Variants in SPOCK3 observed in about 807,000 individuals in gnomAD.
SPOCK3 encodes the protein SPARC (osteonectin), cwcv and kazal like domains proteoglycan 3, also known as testican-3.
In SPOCK3, 30 loss-of-function variants were observed where a neutral mutation model predicts 56.6. The ratio of observed to expected loss-of-function variants is 0.53; its 90% confidence interval spans 0.40 to 0.72. The LOEUF (loss-of-function observed/expected upper bound fraction) is 0.72, where lower values mean the gene tolerates loss of function less well. Ranked by LOEUF, SPOCK3 falls within the 30% of genes least tolerant of loss-of-function variation. SPOCK3 has a pLI of 0.00. For synonymous variants in SPOCK3, 196 were observed against 183.3 expected (o/e 1.07, Z -0.56); for missense variants, 527 against 530.0 (o/e 0.99, Z 0.06).
chr4:166,885,488 T>C (rs566701022), intron 6 of SPOCK3, among the ~76,000 whole-genome samples: 1 of 152,172 alleles, frequency 6.6e-6, no homozygotes, highest in East Asian at 1.9e-4. Flanking sequence ...CAATGACCGA[T>C]TTGCACTGTA....
chr4:166,863,527 G>A (rs942750790), intron 6 of SPOCK3, among the ~76,000 whole-genome samples: 1 of 151,980 alleles, frequency 6.6e-6, no homozygotes, highest in African/African-American at 2.4e-5. Context: ...TCAGTGGGCT[G>A]TATTCAGGAG....
intron 3 of SPOCK3, among the ~76,000 whole-genome samples, chr4:167,013,423 A>G (rs1186688093): frequency 6.6e-6 from 1 of 151,596 alleles, no homozygotes; most frequent in Non-Finnish European, 1.5e-5. Flanking sequence ...TCTTAATAAA[A>G]TAAATGCTAA....
intron 2 of SPOCK3, among the ~76,000 whole-genome samples, chr4:167,136,345 G>A (rs1030164895): frequency 2.6e-5 from 4 of 152,110 alleles, no homozygotes; most frequent in African/African-American, 9.7e-5. Context: ...GTGAGATTAT[G>A]AATGCTTTGA....
At chr4:166,891,572 TC>T (rs1734790505) in intron 5 of SPOCK3, among the ~76,000 whole-genome samples, 3 of 151,946 alleles carry the variant, frequency 2.0e-5, no homozygotes, top group African/African-American at 7.2e-5. Context: ...ATTCAATGCT[TC>T]AAAAATTGAA....
At chr4:166,992,546 GA>G (rs745721167) in intron 4 of SPOCK3, among the ~76,000 whole-genome samples, 2 of 152,008 alleles carry the variant, frequency 1.3e-5, no homozygotes, top group African/African-American at 4.8e-5. Flanking sequence ...TCTTTTATAT[GA>G]AAGGCACCTA....
intron 7 of SPOCK3, among the ~76,000 whole-genome samples, chr4:166,776,827 T>C (rs1739601352): frequency 6.6e-6 from 1 of 152,112 alleles, no homozygotes; most frequent in African/African-American, 2.4e-5. Flanking sequence ...CCATGACTTA[T>C]GGAATACATT....
At chr4:166,795,046 T>C (rs1330877098) in intron 6 of SPOCK3, among the ~76,000 whole-genome samples, 1 of 152,202 alleles carries the variant, frequency 6.6e-6, no homozygotes, top group East Asian at 1.9e-4. Flanking sequence ...GCAAGTTTGT[T>C]AACAGCATAG....
chr4:166,938,955 CCA>C (rs59234659), intron 4 of SPOCK3, among the ~76,000 whole-genome samples: 9,427 of 148,302 alleles, frequency 0.064, 378 homozygotes, highest in Middle Eastern at 0.13. Flanking sequence ...CATACACACA[CCA>C]CACACACACA....
intron 3 of SPOCK3, among the ~76,000 whole-genome samples, chr4:167,028,175 C>A (rs562308231): frequency 6.6e-6 from 1 of 151,730 alleles, no homozygotes; most frequent in East Asian, 1.9e-4. Flanking sequence ...TCACTTGAAG[C>A]CAGAGGTTCA....
chr4:167,193,804 CT>C (rs1253739317), intron 2 of SPOCK3, among the ~76,000 whole-genome samples: 4 of 145,468 alleles, frequency 2.7e-5, no homozygotes, highest in Non-Finnish European at 6.0e-5. Context: ...AATTTTTTCT[CT>C]GTCTGACTTT....
At chr4:166,751,618 A>G (rs1025755442) in intron 8 of SPOCK3, among the ~76,000 whole-genome samples, 2 of 152,172 alleles carry the variant, frequency 1.3e-5, no homozygotes, top group African/African-American at 2.4e-5. Context: ...TTATACTTTC[A>G]CAGGGCTATT....
intron 2 of SPOCK3, among the ~76,000 whole-genome samples, chr4:167,217,584 A>G (rs1221106510): frequency 1.3e-5 from 2 of 152,070 alleles, no homozygotes; most frequent in Non-Finnish European, 2.9e-5. Flanking sequence ...CCAATTCCCC[A>G]TGGATACTGA....
chr4:167,099,423 C>A lies in SPOCK3; in HGVS notation c.190-36886G>T, dbSNP rs1025609412. On this transcript the variant is annotated intron_variant, in intron 2 of 10. Coordinates refer to ENST00000357545, the MANE Select transcript of SPOCK3 (RefSeq NM_001040159.2). ...GATCATTTTGATATATCAAAATAATCTTTTCTTGTTGAAAATTAGATGCAC... is the reference window on the plus strand; with the variant it reads ...GATCATTTTGATATATCAAAATAATATTTTCTTGTTGAAAATTAGATGCAC... Among the ~76,000 whole-genome samples, 5 of 151,852 alleles carry A rather than the reference C, an allele frequency of 3.3e-5. No homozygotes were observed. The East Asian group carries it at 7.7e-4, about 24-fold the overall frequency.
chr4:166,944,847 G>A (rs1741526040), intron 4 of SPOCK3, among the ~76,000 whole-genome samples: 1 of 151,964 alleles, frequency 6.6e-6, no homozygotes, highest in African/African-American at 2.4e-5. Flanking sequence ...AGTATTTGTG[G>A]TGGAAGTACT....
At position 166,734,468 on chromosome 4, in the gene SPOCK3, G is replaced by A. The variant is rs1734021170; in HGVS notation, c.*453C>T. 6.5e-6 allele frequency: 1 copy of A among 152,948 alleles called. No individual in the cohort carries two copies. Among genetic ancestry groups the A allele is most frequent in the South Asian group, 2.1e-4 (1 of 4,864 alleles). 9.5% of individuals were successfully genotyped at this position (152,948 alleles called of 1,614,324 possible). A position where few individuals can be genotyped will look rare whatever the true frequency, so the allele number is the denominator to read the frequency against. On this transcript the variant is annotated 3_prime_UTR_variant, in exon 11 of 11. Transcript: ENST00000357545. ...CTGACTCAACTAGGTCTAGCAAGAT[G>A]CTACTTTGGAAATGCAATTAAAGCA...
intron 2 of SPOCK3, among the ~76,000 whole-genome samples, chr4:167,196,608 G>A (rs1732978306): frequency 6.6e-6 from 1 of 152,076 alleles, no homozygotes; most frequent in Admixed American, 6.6e-5. Context: ...TGTCTGAAAT[G>A]GTGGCTGAGT....
At chr4:166,927,485 A>G (rs968185832) in intron 4 of SPOCK3, among the ~76,000 whole-genome samples, 1 of 152,060 alleles carries the variant, frequency 6.6e-6, no homozygotes, top group African/African-American at 2.4e-5. Context: ...CATTAAACCT[A>G]TTTTTTCCCC....
intron 6 of SPOCK3, among the ~76,000 whole-genome samples, chr4:166,799,838 C>T (rs1742348706): frequency 6.6e-6 from 1 of 151,978 alleles, no homozygotes; most frequent in South Asian, 2.1e-4. Context: ...AGAAAGTTCA[C>T]AGTGAAAGAT....
At chr4:166,809,488 C>T (rs1743534014) in intron 6 of SPOCK3, among the ~76,000 whole-genome samples, 1 of 151,952 alleles carries the variant, frequency 6.6e-6, no homozygotes, top group African/African-American at 2.4e-5. Context: ...TAAGTATTAA[C>T]AAACAATTCT....
Sources: gnomAD v4.1 joint callset for allele counts (sites outside exome capture counted in the v4.1 genomes callset) on GRCh38, gnomAD v4.1.1 for gene constraint, MANE v1.5 for transcripts, NCBI Gene and HGNC (gene_info 2026-07-23, HGNC 2026-07-21) for gene names.